Variants in KCNH6 observed in about 807,000 individuals in gnomAD.
The protein encoded by KCNH6 is potassium voltage-gated channel subfamily H member 6.
A neutral mutation model predicts 83.4 loss-of-function variants in KCNH6; 81 were observed. That is an observed-to-expected ratio of 0.97 (90% CI 0.81 to 1.17). The LOEUF (loss-of-function observed/expected upper bound fraction) is 1.17, where lower values mean the gene tolerates loss of function less well. Ranked by LOEUF, KCNH6 falls within the 50% of genes most tolerant of loss-of-function variation. The pLI, the probability that KCNH6 is intolerant of heterozygous loss-of-function variation, is 0.00. For synonymous variants in KCNH6, 503 were observed against 545.6 expected (o/e 0.92, Z 1.09); for missense variants, 1,203 against 1,290.5 (o/e 0.93, Z 1.04).
In KCNH6 at chr17:63,530,940, T is replaced by TG. The variant is rs34871375; in HGVS notation, c.675+407dup. On this transcript the variant is annotated intron_variant, in intron 4 of 12. Coordinates refer to ENST00000314672, the MANE Select transcript of KCNH6 (RefSeq NM_001278919.2). ...GGCCATACTGAGAGGAGAGCTGGTG[T>TG]GGGGGGGGGTCCCAGCCCTGTGCCA... Among the ~76,000 whole-genome samples, 516 of 150,694 alleles carry TG rather than the reference T, an allele frequency of 3.4e-3. 2 individuals carry two copies. The highest frequency in any genetic ancestry group is 7.8e-3 in the African/African-American group (321 of 41,116).
chr17:63,527,615 G>A (rs1568065981), intron 2 of KCNH6, among the ~76,000 whole-genome samples: 1 of 152,200 alleles, frequency 6.6e-6, no homozygotes, highest in Non-Finnish European at 1.5e-5. Context: ...GCTGGGAGGA[G>A]CTCCTGCAAG....
Position 63,543,602 on chromosome 17 carries a change from C to T in KCNH6, c.2175C>T (p.Pro725=). ...RDAAGGLHSS[P]RQAPGSQDHQ... is the part of the protein sequence containing the mutation. ...CAGCCGGGGGTCTCCACTCATCCCC[C>T]CGACAGGCTCCTGGCAGCCAAGACC... The change falls in exon 10 of 13, where the codon CCC becomes CCT. Residue 725 remains proline (P), a synonymous_variant. Transcript: ENST00000314672. 1 of 1,613,304 alleles carries T rather than the reference C, an allele frequency of 6.2e-7. No individual in the cohort carries two copies. The highest frequency in any genetic ancestry group is 8.5e-7 in the Non-Finnish European group (1 of 1,179,584).
intron 8 of KCNH6, among the ~76,000 whole-genome samples, chr17:63,539,844 A>G (rs562445058): frequency 1.3e-5 from 2 of 152,236 alleles, no homozygotes; most frequent in South Asian, 2.1e-4. Context: ...GTGACCTGAA[A>G]TAGACATCTG....
At position 63,530,229 on chromosome 17, in the gene KCNH6, T is replaced by C. The variant is rs773129771; in HGVS notation, c.446T>C (p.Leu149Ser). ...AGCCGCAGCTTGTCCCAGCGCCTGT[T>C]GTCCCAGAGCTTCCTGGGCTCCGGT... is the stretch of plus-strand genomic sequence containing the variant. Reference protein sequence around the residue: ...CSSRSLSQRLLSQSFLGSEGS... With the variant: ...CSSRSLSQRLSSQSFLGSEGS... Residue 149 changes from leucine (L) to serine (S), a missense_variant, in exon 3 of 13, where the codon TTG becomes TCG. Transcript: ENST00000314672. The C allele has an allele frequency of 6.2e-7, 1 of 1,614,140 alleles. No homozygotes were observed. The highest frequency in any genetic ancestry group is 1.7e-5 in the Admixed American group (1 of 60,026).
At chr17:63,548,516 A>G (rs570890387), downstream of KCNH6, among the ~76,000 whole-genome samples, 4 of 152,332 alleles carry the variant, frequency 2.6e-5, no homozygotes, top group South Asian at 6.2e-4. Context: ...GTATAAATTA[A>G]TTGACATTTT....
chr17:63,531,186 C>T (rs1223005664), intron 4 of KCNH6, among the ~76,000 whole-genome samples: 1 of 152,234 alleles, frequency 6.6e-6, no homozygotes, highest in Non-Finnish European at 1.5e-5. Context: ...GCTGTCCCTT[C>T]TCATGAGGCC....
rs770610836 is a variant in KCNH6 at position 63,534,245 on chromosome 17, GT to G, written c.1037del (p.Phe346SerfsTer14). 1.2e-6 allele frequency: 2 copies of G among 1,614,116 alleles called. No homozygotes were observed. Among genetic ancestry groups the G allele is most frequent in the Middle Eastern group, 1.6e-4 (1 of 6,062 alleles). ...TCGCCGTCCACTACTTCAAGGGCTG[GT>G]TCCTCATTGACATGGTGGCCGCCAT... ...RIAVHYFKGW[F>X]LIDMVAAIPF... On this transcript the variant is annotated frameshift_variant, in exon 5 of 13. Coordinates refer to ENST00000314672, the MANE Select transcript of KCNH6 (RefSeq NM_001278919.2). LOFTEE classifies it high-confidence loss of function. This position sits in a 1 kb window ranked among gnomAD's most constrained non-coding sequence, Gnocchi z 5.0.
chr17:63,544,703 G>A (rs906276775), intron 11 of KCNH6, among the ~76,000 whole-genome samples: 17 of 152,100 alleles, frequency 1.1e-4, no homozygotes, highest in African/African-American at 4.1e-4. Flanking sequence ...GCAGAGCGAG[G>A]GCTTAGAGGC....
downstream of KCNH6, among the ~76,000 whole-genome samples, chr17:63,548,651 C>T (rs529849298): frequency 2.6e-5 from 4 of 151,988 alleles, no homozygotes; most frequent in Non-Finnish European, 5.9e-5. Flanking sequence ...TGGAAATATA[C>T]GTCATAAAAG....
chr17:63,537,986 A>G (rs2032605787), intron 6 of KCNH6, 79 bp from the exon 7 acceptor site: 1 of 1,400,258 alleles, frequency 7.1e-7, no homozygotes, highest in Admixed American at 1.9e-5. Context: ...GGCTGCTGGA[A>G]GGAGGAAGAC....
rs111326358 is a variant in KCNH6, at chr17:63,537,621, C to A, written c.1502-444C>A. On this transcript the variant is annotated intron_variant, in intron 6 of 12. Transcript: ENST00000314672. Reference sequence around the variant, plus strand: ...GGCTAATTTTTCTATTTTTTTGGTACAGACGGGGTTTCACCATGTTGTCTG... The same window carrying A: ...GGCTAATTTTTCTATTTTTTTGGTAAAGACGGGGTTTCACCATGTTGTCTG... 2.2e-3 allele frequency among the ~76,000 whole-genome samples: 337 copies of A among 152,158 alleles called. 3 individuals carry two copies. Among genetic ancestry groups the A allele is most frequent in the African/African-American group, 7.9e-3 (328 of 41,508 alleles).
chr17:63,537,214 G>T (rs1461068414), intron 6 of KCNH6, among the ~76,000 whole-genome samples: 2 of 152,156 alleles, frequency 1.3e-5, no homozygotes. Flanking sequence ...CTCAATCCCA[G>T]CCCAGGGGTT....
intron 12 of KCNH6, 84 bp from the exon 13 acceptor site, chr17:63,545,525 T>C: frequency 2.8e-6 from 4 of 1,422,418 alleles, no homozygotes; most frequent in Non-Finnish European, 3.9e-6. Context: ...CAGGTACAAT[T>C]TTTGCCTGAT....
chr17:63,544,439 G>A (rs1480210848), intron 11 of KCNH6, 28 bp downstream of exon 11: 5 of 1,489,268 alleles, frequency 3.4e-6, no homozygotes, highest in Non-Finnish European at 4.5e-6. Flanking sequence ...AGGGCTGGGG[G>A]CTGGTCATGG....
chr17:63,545,150 C>A lies in KCNH6; in HGVS notation c.2469C>A (p.His823Gln), dbSNP rs547568764. 1 of 1,613,702 alleles carries A rather than the reference C, an allele frequency of 6.2e-7. No individual in the cohort carries two copies. The highest frequency in any genetic ancestry group is 1.3e-5 in the African/African-American group (1 of 74,938). ...TCCAGAAGCCCATGCCCCAGGGCCA[C>A]GCCAGCTACATTCTGGAAGCCCCTG... is the stretch of plus-strand genomic sequence containing the variant. ...QLLQKPMPQG[H>Q]ASYILEAPAS... is the part of the protein sequence containing the mutation. The change falls in exon 12 of 13, where the codon CAC (histidine) becomes CAA (glutamine). Residue 823 changes from histidine (H) to glutamine (Q), a missense_variant. Coordinates refer to ENST00000314672, the MANE Select transcript of KCNH6 (RefSeq NM_001278919.2).
chr17:63,544,993 C>T (rs1438559024), intron 11 of KCNH6, 85 bp from the exon 12 acceptor site: 1 of 1,348,924 alleles, frequency 7.4e-7, no homozygotes, highest in Admixed American at 1.7e-5. Context: ...CTAGCAGGAA[C>T]AGCACGCAGG....
At chr17:63,537,006 T>C (rs1376030492) in intron 6 of KCNH6, among the ~76,000 whole-genome samples, 1 of 147,402 alleles carries the variant, frequency 6.8e-6, no homozygotes, top group African/African-American at 2.5e-5. Flanking sequence ...AGCAGAGTAT[T>C]AAACCAAATG....
intron 8 of KCNH6, among the ~76,000 whole-genome samples, chr17:63,539,715 T>C (rs1241906517): frequency 6.6e-6 from 1 of 152,094 alleles, no homozygotes; most frequent in Non-Finnish European, 1.5e-5. Flanking sequence ...CTCACACCTG[T>C]CTCCCTGTCC....
Position 63,544,258 on chromosome 17 carries a change from C to T in KCNH6, c.2243C>T (p.Pro748Leu). The T allele has an allele frequency of 6.3e-7, 1 of 1,580,472 alleles. No homozygotes were observed. The highest frequency in any genetic ancestry group is 1.2e-5 in the South Asian group (1 of 86,950). Residue 748 changes from proline to leucine, a missense_variant, in exon 11 of 13, where the codon CCT becomes CTT. Coordinates refer to ENST00000314672, the MANE Select transcript of KCNH6 (RefSeq NM_001278919.2). ...CCTTTCCCTCCTGCAGATGCAGCCC[C>T]TCCCCTGAGCATCTCAGATGCATCT... ...FLSDNQSDAA[P>L]PLSISDASGL... is the part of the protein sequence containing the mutation.
Sources: gnomAD v4.1 joint callset for allele counts (sites outside exome capture counted in the v4.1 genomes callset) on GRCh38, gnomAD v4.1.1 for gene constraint, Gnocchi (gnomAD v3.1) non-coding constraint, MANE v1.5 for transcripts, NCBI Gene and HGNC (gene_info 2026-07-23, HGNC 2026-07-21) for gene names.